Variants in SLC4A7 observed in about 807,000 individuals in gnomAD.
SLC4A7 encodes the protein solute carrier family 4 member 7, also known as sodium bicarbonate cotransporter 3.
SLC4A7 carries 51 observed loss-of-function variants against 137.6 expected under a neutral mutation model. The ratio of observed to expected loss-of-function variants is 0.37; its 90% CI spans 0.30 to 0.47. SLC4A7 has a LOEUF of 0.47. SLC4A7 is among the 20% of genes least tolerant of loss of function. SLC4A7 has a pLI of 1.00. For missense variants in SLC4A7, 1,247 were observed against 1,525.4 expected (o/e 0.82, Z 3.04); for synonymous variants, 542 against 518.6 (o/e 1.05, Z -0.61).
Position 27,484,135 on chromosome 3 carries a change from G to T in SLC4A7, c.-9C>A, listed in dbSNP as rs937290730. ...GCCCCATCAGCCTCCATGGCCGGCC[G>T]GCCAGCCCGTGACGGCCGCTACGGT... On this transcript the variant is annotated 5_prime_UTR_variant, in exon 1 of 26. Coordinates refer to ENST00000454389, the MANE Select transcript of SLC4A7 (RefSeq NM_001321103.2). 1.5e-6 allele frequency: 2 copies of T among 1,371,932 alleles called. No individual in the cohort carries two copies. Among genetic ancestry groups the T allele is most frequent in the South Asian group, 1.7e-5 (1 of 60,298 alleles). The allele number at this position is 1,371,932 out of a possible 1,614,324, so 85.0% of individuals were successfully genotyped here.
At chr3:27,395,265 G>A (rs1469374190) in intron 18 of SLC4A7, 150 bp from the exon 19 acceptor site, 2 of 549,950 alleles carry the variant, frequency 3.6e-6, no homozygotes, top group Non-Finnish European at 6.3e-6. Flanking sequence ...TTTCAAAGAT[G>A]GCCACAGTAA....
intron 24 of SLC4A7, among the ~76,000 whole-genome samples, chr3:27,380,990 A>G (rs2050366020): frequency 6.6e-6 from 1 of 152,240 alleles, no homozygotes. Context: ...TGCATTACAT[A>G]AATTATTTTC....
At chr3:27,456,190 C>T (rs1351464610) in intron 1 of SLC4A7, among the ~76,000 whole-genome samples, 3 of 152,126 alleles carry the variant, frequency 2.0e-5, no homozygotes. Context: ...CTAAGGTTTA[C>T]AAAAATCCAT....
chr3:27,382,984 A>C (rs1199179911), intron 24 of SLC4A7, among the ~76,000 whole-genome samples, 169 bp downstream of exon 24: 1 of 152,206 alleles, frequency 6.6e-6, no homozygotes, highest in Non-Finnish European at 1.5e-5. Flanking sequence ...GGAAAGGAGC[A>C]AGGGACTTCC....
chr3:27,434,578 G>A (rs919862127), intron 5 of SLC4A7, among the ~76,000 whole-genome samples: 26 of 152,104 alleles, frequency 1.7e-4, no homozygotes, highest in African/African-American at 6.3e-4. Flanking sequence ...ACAGAGCCAA[G>A]TTTCTGCTCT....
In SLC4A7 at chr3:27,376,722, CATATGTATA is replaced by C. The variant is rs762533899; in HGVS notation, c.*33_*41del. ...ATAGTGACATGATACGCACACATTA[CATATGTATA>C]TATCTATATGTATAATGCCTCTTGG... On this transcript the variant is annotated 3_prime_UTR_variant, in exon 26 of 26. Coordinates refer to ENST00000454389, the MANE Select transcript of SLC4A7 (RefSeq NM_001321103.2). The C allele has an allele frequency of 2.6e-6, 3 of 1,132,676 alleles. No homozygotes were observed. The African/African-American group carries it at 4.6e-5, about 17-fold the overall frequency. The allele number at this position is 1,132,676 out of a possible 1,614,324, so 70.2% of individuals were successfully genotyped here.
At chr3:27,422,148 T>C (rs1294496032) in intron 8 of SLC4A7, among the ~76,000 whole-genome samples, 1 of 152,218 alleles carries the variant, frequency 6.6e-6, no homozygotes, top group Non-Finnish European at 1.5e-5. Context: ...TGGTTTTATA[T>C]TACTTAACCT....
In SLC4A7 at chr3:27,412,806, A is replaced by G. The variant is rs377274932; in HGVS notation, c.1660-1058T>C. ...CAAAGCCACAATTACTTTTGTGCCA[A>G]CCTAATAAAACCCATGAGACCCAGC... On this transcript the variant is annotated intron_variant, in intron 11 of 25. Coordinates refer to ENST00000454389, the MANE Select transcript of SLC4A7 (RefSeq NM_001321103.2). 5.9e-5 allele frequency among the ~76,000 whole-genome samples: 9 copies of G among 152,266 alleles called. No homozygotes were observed. In the South Asian group the frequency reaches 1.2e-3, roughly 21 times the overall value.
chr3:27,445,697 C>G (rs2057534982), intron 3 of SLC4A7, among the ~76,000 whole-genome samples: 1 of 146,536 alleles, frequency 6.8e-6, no homozygotes, highest in African/African-American at 2.5e-5. Flanking sequence ...GCAGGCAGAT[C>G]ACTTGAGGTC....
At chr3:27,471,444 G>A (rs1304471078) in intron 1 of SLC4A7, among the ~76,000 whole-genome samples, 1 of 152,158 alleles carries the variant, frequency 6.6e-6, no homozygotes, top group East Asian at 1.9e-4. Flanking sequence ...CATTCTTGTT[G>A]CTCAGGCTGG....
intron 11 of SLC4A7, among the ~76,000 whole-genome samples, chr3:27,417,230 C>T (rs1272364331): frequency 2.0e-5 from 3 of 152,138 alleles, no homozygotes; most frequent in Non-Finnish European, 2.9e-5. Context: ...CCAAGGGGAG[C>T]AATGTTTAGC....
intron 1 of SLC4A7, among the ~76,000 whole-genome samples, chr3:27,472,002 T>C (rs894710793): frequency 6.6e-6 from 1 of 152,186 alleles, no homozygotes; most frequent in Non-Finnish European, 1.5e-5. Context: ...ATCAGCTATT[T>C]ATTCTAGATT....
chr3:27,403,186 T>C lies in SLC4A7; in HGVS notation c.2274A>G (p.Thr758=), dbSNP rs1265173770. The change falls in exon 15 of 26, where the codon ACA becomes ACG. Residue 758 remains threonine, a synonymous_variant. Transcript: ENST00000454389. ...AGTTGTTGTGCATATTAAATGCATATGTTTCTCCTAAATCAAAGAGCTTCT... is the reference window on the plus strand; with the variant it reads ...AGTTGTTGTGCATATTAAATGCATACGTTTCTCCTAAATCAAAGAGCTTCT... ...ALEKLFDLGE[T]YAFNMHNNLD... 5.6e-6 allele frequency: 9 copies of C among 1,613,514 alleles called. No individual in the cohort carries two copies. The highest frequency in any genetic ancestry group is 1.7e-4 in the Middle Eastern group (1 of 6,010).
At chr3:27,395,608 T>A (rs1404684050) in intron 18 of SLC4A7, among the ~76,000 whole-genome samples, 1 of 152,138 alleles carries the variant, frequency 6.6e-6, no homozygotes, top group Non-Finnish European at 1.5e-5. Flanking sequence ...AGCTGTTTCA[T>A]CCATCTGAGC....
At chr3:27,452,278 C>A in intron 2 of SLC4A7, 139 bp downstream of exon 2, 1 of 536,042 alleles carries the variant, frequency 1.9e-6, no homozygotes, top group Non-Finnish European at 3.2e-6. Context: ...TCAAATGGCA[C>A]TCTTCTCAAT....
rs536195152 is a variant in SLC4A7, at chr3:27,456,973, C to T, written c.61-4475G>A. ...GCAGCAATCCGTTTTCAACTGAAACCTTTCTGCAATGTTAGTACAAAGAGT... is the reference window on the plus strand; with the variant it reads ...GCAGCAATCCGTTTTCAACTGAAACTTTTCTGCAATGTTAGTACAAAGAGT... On this transcript the variant is annotated intron_variant, in intron 1 of 25. Transcript: ENST00000454389. 45 of 979,396 alleles carry T rather than the reference C, an allele frequency of 4.6e-5. No homozygotes were observed. The African/African-American group carries it at 7.9e-4, about 17-fold the overall frequency. 60.7% of individuals were successfully genotyped at this position (979,396 alleles called of 1,614,324 possible).
At chr3:27,455,742 G>C (rs1164710575) in intron 1 of SLC4A7, among the ~76,000 whole-genome samples, 1 of 152,016 alleles carries the variant, frequency 6.6e-6, no homozygotes, top group Non-Finnish European at 1.5e-5. Flanking sequence ...GCTGAGTGCG[G>C]TGGAGCATGC....
At position 27,394,726 on chromosome 3, in the gene SLC4A7, A is replaced by C. The variant is rs772666324; in HGVS notation, c.2909T>G (p.Met970Arg). ...YHLDLLMVGV[M>R]LGVCSVMGLP... is the part of the protein sequence containing the mutation. ...TCCCATGACAGAGCAAACTCCCAAC[A>C]TAACGCCAACCATGAGCAAATCAAG... Residue 970 changes from methionine to arginine, a missense_variant, in exon 20 of 26, where the codon ATG becomes AGG. Physicochemically the swap from Met to Arg is moderately conservative, Grantham distance 91. Coordinates refer to ENST00000454389, the MANE Select transcript of SLC4A7 (RefSeq NM_001321103.2). The C allele has an allele frequency of 6.2e-7, 1 of 1,614,226 alleles. No individual in the cohort carries two copies. Among genetic ancestry groups the C allele is most frequent in the Non-Finnish European group, 8.5e-7 (1 of 1,180,020 alleles).
chr3:27,403,494 G>T, intron 14 of SLC4A7, 110 bp from the exon 15 acceptor site: 1 of 645,988 alleles, frequency 1.5e-6, no homozygotes. Context: ...ATTCCTAAAA[G>T]AGAATGAATT....
Sources: allele counts gnomAD v4.1 joint callset (sites outside exome capture counted in the v4.1 genomes callset), GRCh38; gene constraint gnomAD v4.1.1; transcripts MANE v1.5; gene names NCBI Gene and HGNC (gene_info 2026-07-23, HGNC 2026-07-21).